Variants in CALU observed in about 807,000 individuals in gnomAD.
The protein encoded by CALU is calumenin.
CALU carries 13 observed loss-of-function variants against 37.5 expected under a neutral mutation model. That is an observed-to-expected ratio of 0.35 (90% CI 0.23 to 0.55). CALU has a LOEUF of 0.55. Ranked by LOEUF, CALU falls within the 20% of genes least tolerant of loss-of-function variation. The pLI is 0.89. For missense variants in CALU, 282 were observed against 391.7 expected (o/e 0.72, Z 2.36); for synonymous variants, 114 against 133.8 (o/e 0.85, Z 1.02).
chr7:128,748,283 A>G, intron 1 of CALU: 1 of 1,033,976 alleles, frequency 9.7e-7, no homozygotes, highest in South Asian at 1.5e-5. Context: ...TTAAAATTCT[A>G]CTTTGGTATC....
intron 5 of CALU, among the ~76,000 whole-genome samples, chr7:128,763,533 AAAAAT>A (rs1314163984): frequency 6.6e-6 from 1 of 152,224 alleles, no homozygotes; most frequent in African/African-American, 2.4e-5. Flanking sequence ...TCTGTCTCAA[AAAAAT>A]AAAGTAAAAT....
In CALU at chr7:128,757,160, C is replaced by G. The variant is rs77253284; in HGVS notation, c.416-1711C>G. On this transcript the variant is annotated intron_variant, in intron 3 of 6. Transcript: ENST00000249364. ...CATGTTGCTATTAGGCTATTTGAGT[C>G]CAGTCACCATTTTTACCTTTTACCC... is the stretch of plus-strand genomic sequence containing the variant. Among the ~76,000 whole-genome samples the G allele has an allele frequency of 3.9e-3, 591 of 152,142 alleles. 6 individuals are homozygous for G. The highest frequency in any genetic ancestry group is 0.014 in the African/African-American group (566 of 41,504).
chr7:128,768,341 G>A (rs977701444), intron 6 of CALU, among the ~76,000 whole-genome samples: 1 of 151,954 alleles, frequency 6.6e-6, no homozygotes. Flanking sequence ...TTAAGTTCTT[G>A]CTCAAAGTCA....
intron 3 of CALU, among the ~76,000 whole-genome samples, chr7:128,756,090 C>A (rs1026587420): frequency 2.0e-5 from 3 of 152,210 alleles, no homozygotes; most frequent in African/African-American, 7.2e-5. Context: ...CAATTAAGAA[C>A]ACATGTATTA....
intron 2 of CALU, among the ~76,000 whole-genome samples, chr7:128,752,160 C>G (rs973469142): frequency 5.3e-5 from 8 of 152,120 alleles, no homozygotes; most frequent in Non-Finnish European, 8.8e-5. Context: ...TACACACACA[C>G]ACACACCATA....
At chr7:128,762,111 C>T (rs1041552531) in intron 5 of CALU, among the ~76,000 whole-genome samples, 3 of 151,820 alleles carry the variant, frequency 2.0e-5, no homozygotes, top group African/African-American at 2.4e-5. Flanking sequence ...ACTGAGCCCA[C>T]GTTGATGTTA....
Position 128,770,148 on chromosome 7 carries a change from C to T in CALU, c.*981C>T, listed in dbSNP as rs1309519757. On this transcript the variant is annotated 3_prime_UTR_variant, in exon 7 of 7. Coordinates refer to ENST00000249364, the MANE Select transcript of CALU (RefSeq NM_001219.5). ...TTTCCAATCATGTCATTGAAAGTGC[C>T]TTTAACGAAAGAAATGGTCACTGAA... The T allele has an allele frequency of 6.6e-6, 1 of 152,542 alleles. No homozygotes were observed. Among genetic ancestry groups the T allele is most frequent in the Non-Finnish European group, 1.5e-5 (1 of 68,034 alleles). The allele number at this position is 152,542 out of a possible 1,614,324, so 9.4% of individuals were successfully genotyped here. A position where few individuals can be genotyped will look rare whatever the true frequency, so the allele number is the denominator to read the frequency against.
At chr7:128,741,371 C>G (rs2128876680) in intron 1 of CALU, among the ~76,000 whole-genome samples, 1 of 152,134 alleles carries the variant, frequency 6.6e-6, no homozygotes, top group Middle Eastern at 3.4e-3. Flanking sequence ...GTATTGGTAT[C>G]AAAAAAGTGC....
chr7:128,758,783 A>G lies in CALU; in HGVS notation c.416-88A>G, dbSNP rs1164700181. On this transcript the variant is annotated intron_variant, in intron 3 of 6. Transcript: ENST00000249364. ...AATTATTTCTTCCTTGCATGGTTTT[A>G]TCTTTATTGGAAATTGATTTCCCAC... is the stretch of plus-strand genomic sequence containing the variant. 2.6e-5 allele frequency: 24 copies of G among 908,790 alleles called. No homozygotes were observed. In the East Asian group the frequency reaches 5.1e-4, roughly 19 times the overall value. The allele number at this position is 908,790 out of a possible 1,614,324, so 56.3% of individuals were successfully genotyped here.
intron 1 of CALU, among the ~76,000 whole-genome samples, 188 bp downstream of exon 1, chr7:128,739,620 G>A (rs2128876231): frequency 6.6e-6 from 1 of 152,212 alleles, no homozygotes. Flanking sequence ...CTGGGATGGA[G>A]GCCGCCGCCC....
At chr7:128,764,889 A>G (rs1801269278) in intron 5 of CALU, among the ~76,000 whole-genome samples, 1 of 152,158 alleles carries the variant, frequency 6.6e-6, no homozygotes, top group Non-Finnish European at 1.5e-5. Context: ...CTGTTAACCA[A>G]CTTGGACATT....
intron 1 of CALU, among the ~76,000 whole-genome samples, chr7:128,742,969 A>G (rs754113188): frequency 1.3e-5 from 2 of 152,258 alleles, no homozygotes; most frequent in Non-Finnish European, 2.9e-5. Flanking sequence ...GTAATTTTAA[A>G]TTTTCAGGTG....
At chr7:128,765,524 C>G (rs981016846) in intron 5 of CALU, among the ~76,000 whole-genome samples, 2 of 152,178 alleles carry the variant, frequency 1.3e-5, no homozygotes, top group African/African-American at 2.4e-5. Flanking sequence ...TATCTTGAAG[C>G]CTTAGTCACT....
At chr7:128,762,046 T>G (rs947649560) in intron 5 of CALU, among the ~76,000 whole-genome samples, 2 of 138,452 alleles carry the variant, frequency 1.4e-5, no homozygotes, top group African/African-American at 6.5e-5. Flanking sequence ...TAAACTGATT[T>G]TTTTTTTTTT....
chr7:128,753,027 AT>A lies in CALU; in HGVS notation c.222-1231del, dbSNP rs1800737942. On this transcript the variant is annotated intron_variant, in intron 2 of 6. Transcript: ENST00000249364. ...TTACTGGTTTACCTTTCCTGTTAAC[AT>A]TTTAGAGCAAGATTACACATTCTCT... Among the ~76,000 whole-genome samples the A allele has an allele frequency of 2.0e-5, 3 of 152,214 alleles. No individual in the cohort carries two copies. In the South Asian group the frequency reaches 6.2e-4, roughly 32 times the overall value.
At chr7:128,760,906 TCAAA>T (rs879900231) in intron 5 of CALU, among the ~76,000 whole-genome samples, 12 of 152,182 alleles carry the variant, frequency 7.9e-5, no homozygotes, top group African/African-American at 2.9e-4. Context: ...AGACTCCGTC[TCAAA>T]CAAACAAACA....
At chr7:128,748,357 G>T in intron 1 of CALU, 1 of 1,504,166 alleles carries the variant, frequency 6.6e-7, no homozygotes, top group Non-Finnish European at 8.9e-7. Flanking sequence ...ACAATCAGAT[G>T]AAGGAAACTG....
rs910037881 is a variant in CALU, at chr7:128,772,055, T to G, written c.*2888T>G. Among the ~76,000 whole-genome samples, 3 of 112,782 alleles carry G rather than the reference T, an allele frequency of 2.7e-5. No homozygotes were observed. Among genetic ancestry groups the G allele is most frequent in the South Asian group, 5.1e-4 (2 of 3,920 alleles). The allele number at this position is 112,782 out of a possible 152,430, so 74.0% of individuals were successfully genotyped here. Reference sequence around the variant, plus strand: ...CAAACTCATATTTGGGGCCACTGAGTTTTTTTTGTTTTTTTTTTTGTTTTG... The same window carrying G: ...CAAACTCATATTTGGGGCCACTGAGGTTTTTTTGTTTTTTTTTTTGTTTTG... On this transcript the variant is annotated 3_prime_UTR_variant, in exon 7 of 7. Coordinates refer to ENST00000249364, the MANE Select transcript of CALU (RefSeq NM_001219.5).
At chr7:128,765,565 A>G (rs1801298836) in intron 5 of CALU, among the ~76,000 whole-genome samples, 1 of 152,248 alleles carries the variant, frequency 6.6e-6, no homozygotes, top group Non-Finnish European at 1.5e-5. Context: ...AACATTGTGT[A>G]TGTAAATTGA....
Sources: allele counts gnomAD v4.1 joint callset (sites outside exome capture counted in the v4.1 genomes callset), GRCh38; gene constraint gnomAD v4.1.1; transcripts MANE v1.5; gene names NCBI Gene and HGNC (gene_info 2026-07-23, HGNC 2026-07-21).